Variants in TOX2 observed in about 807,000 individuals in gnomAD.
TOX2 encodes the protein granulosa cell HMG box 1.
A neutral mutation model predicts 47.4 loss-of-function variants in TOX2; 15 were observed. The ratio of observed to expected loss-of-function variants is 0.32; its 90% CI spans 0.21 to 0.49. TOX2 has a LOEUF of 0.49. TOX2 is among the 20% of genes least tolerant of loss of function. The pLI is 0.99. For synonymous variants in TOX2, 290 were observed against 296.6 expected (o/e 0.98, Z 0.23); for missense variants, 622 against 673.1 (o/e 0.92, Z 0.84).
chr20:44,025,861 G>A (rs2071053125), intron 3 of TOX2, among the ~76,000 whole-genome samples: 1 of 151,896 alleles, frequency 6.6e-6, no homozygotes, highest in Admixed American at 6.6e-5. Context: ...TGTAAAAAAT[G>A]GTAACCATCA....
At chr20:43,955,415 T>C in intron 1 of TOX2, 1 of 587,862 alleles carries the variant, frequency 1.7e-6, no homozygotes, top group Admixed American at 6.3e-5. Flanking sequence ...CCACCTGGGG[T>C]TATGTTGGGT....
chr20:43,920,988 TG>T (rs1285488716), intron 1 of TOX2, among the ~76,000 whole-genome samples: 1 of 152,212 alleles, frequency 6.6e-6, no homozygotes, highest in East Asian at 1.9e-4. Context: ...GCTGAATGAA[TG>T]AATGAATCTA....
At chr20:43,994,213 C>T (rs1277736673) in intron 2 of TOX2, among the ~76,000 whole-genome samples, 2 of 151,686 alleles carry the variant, frequency 1.3e-5, no homozygotes, top group South Asian at 4.2e-4. Context: ...GCCTATACTC[C>T]CAGCACTTTG....
chr20:44,001,640 T>A (rs906620560), intron 2 of TOX2, among the ~76,000 whole-genome samples: 1 of 152,246 alleles, frequency 6.6e-6, no homozygotes, highest in African/African-American at 2.4e-5. Context: ...CTGAAAGGAA[T>A]GGACTTGAGC....
Position 43,985,115 on chromosome 20 carries a change from G to T in TOX2, c.165+11683G>T, listed in dbSNP as rs569742890. 1.5e-4 allele frequency among the ~76,000 whole-genome samples: 23 copies of T among 152,224 alleles called. No individual in the cohort carries two copies. The South Asian group carries it at 4.4e-3, about 29-fold the overall frequency. ...TCTGGAGGGTCAGGATCCTGGTTCC[G>T]GCCCCTCCTCAGCCTCTCTCCCTGT... is the stretch of plus-strand genomic sequence containing the variant. On this transcript the variant is annotated intron_variant, in intron 2 of 8. Transcript: ENST00000341197.
intron 1 of TOX2, among the ~76,000 whole-genome samples, chr20:43,946,708 G>A (rs984471169): frequency 1.3e-5 from 2 of 152,164 alleles, no homozygotes; most frequent in Admixed American, 1.3e-4. Context: ...GGACTTAAGG[G>A]GACACACATG....
intron 1 of TOX2, among the ~76,000 whole-genome samples, chr20:43,949,103 G>T (rs1160851887): frequency 6.6e-6 from 1 of 152,164 alleles, no homozygotes; most frequent in African/African-American, 2.4e-5. Flanking sequence ...CCCTTTTCCT[G>T]ATTCACACCC....
At chr20:44,064,999 G>A (rs185375421) in intron 6 of TOX2, 142 bp downstream of exon 6, 1 of 688,428 alleles carries the variant, frequency 1.5e-6, no homozygotes, top group Admixed American at 2.9e-5. Context: ...TGTCTGCAGG[G>A]CACCTACAGC....
intron 3 of TOX2, among the ~76,000 whole-genome samples, chr20:44,028,955 A>T (rs1284560756): frequency 6.6e-6 from 1 of 152,136 alleles, no homozygotes; most frequent in Non-Finnish European, 1.5e-5. Flanking sequence ...GCACAGGGGA[A>T]CCTGCTGGGC....
chr20:43,943,000 T>A (rs761622031), intron 1 of TOX2, among the ~76,000 whole-genome samples: 1 of 152,118 alleles, frequency 6.6e-6, no homozygotes, highest in Non-Finnish European at 1.5e-5. Context: ...CAACCCACAT[T>A]AAATACCTCC....
chr20:43,925,696 G>A (rs1015641086), intron 1 of TOX2, among the ~76,000 whole-genome samples: 7 of 152,158 alleles, frequency 4.6e-5, no homozygotes, highest in Non-Finnish European at 7.3e-5. Context: ...CACAGGCTTC[G>A]CTGTCAGTCT....
At chr20:43,963,347 C>T (rs2069794912) in intron 1 of TOX2, among the ~76,000 whole-genome samples, 1 of 151,968 alleles carries the variant, frequency 6.6e-6, no homozygotes, top group Admixed American at 6.6e-5. Flanking sequence ...TGAAGGGGCC[C>T]ACAGCACTGA....
At chr20:44,067,273 G>C (rs917939794) in intron 8 of TOX2, among the ~76,000 whole-genome samples, 1 of 151,876 alleles carries the variant, frequency 6.6e-6, no homozygotes, top group African/African-American at 2.4e-5. Flanking sequence ...CAGGGTGGGG[G>C]AAGGAGCTGA....
In TOX2 at chr20:43,916,653, G is replaced by C. The variant is rs953325489; in HGVS notation, c.99+1663G>C. On this transcript the variant is annotated intron_variant, in intron 1 of 8. Transcript: ENST00000341197. The surrounding 1 kb of genome is among the most constrained non-coding windows in gnomAD (Gnocchi z 5.0). The stretch of plus-strand genomic sequence containing the variant: ...CAGGGAGGAGAAGGTTGGGTGTGGG[G>C]GCAGCTGGTCTGTCTTCTGCCCTTG... Among the ~76,000 whole-genome samples, 1 of 152,204 alleles carries C rather than the reference G, an allele frequency of 6.6e-6. No individual in the cohort carries two copies. Among genetic ancestry groups the C allele is most frequent in the Non-Finnish European group, 1.5e-5 (1 of 68,036 alleles).
intron 2 of TOX2, among the ~76,000 whole-genome samples, chr20:43,979,691 C>A (rs373740610): frequency 5.9e-5 from 9 of 151,932 alleles, no homozygotes; most frequent in African/African-American, 2.2e-4. Context: ...AAAAAAATCT[C>A]GTAATCCAAT....
intron 3 of TOX2, among the ~76,000 whole-genome samples, chr20:44,032,553 G>C (rs538072273): frequency 6.6e-6 from 1 of 152,186 alleles, no homozygotes; most frequent in South Asian, 2.1e-4. Flanking sequence ...GGGGAGGCCA[G>C]AGAGGTGCCA....
intron 2 of TOX2, among the ~76,000 whole-genome samples, chr20:44,001,905 C>A (rs1418836294): frequency 6.6e-6 from 1 of 152,142 alleles, no homozygotes; most frequent in Admixed American, 6.5e-5. Flanking sequence ...GCACTGAGGA[C>A]AAGAGAGTTA....
At chr20:43,998,727 CTATCTATCTATCTATCTATCT>C (rs2070523826) in intron 2 of TOX2, among the ~76,000 whole-genome samples, 1 of 138,522 alleles carries the variant, frequency 7.2e-6, no homozygotes, top group Admixed American at 7.4e-5. Context: ...ATACATCTAT[CTATCTATCTATCTATCTATCT>C]ATCTATCTAT....
intron 3 of TOX2, among the ~76,000 whole-genome samples, chr20:44,018,576 A>C (rs1342355566): frequency 6.6e-6 from 1 of 152,104 alleles, no homozygotes; most frequent in East Asian, 1.9e-4. Context: ...ATAAAACTTG[A>C]GATTTATTGG....
Sources: gnomAD v4.1 joint callset for allele counts (sites outside exome capture counted in the v4.1 genomes callset) on GRCh38, gnomAD v4.1.1 for gene constraint, Gnocchi (gnomAD v3.1) non-coding constraint, MANE v1.5 for transcripts, NCBI Gene and HGNC (gene_info 2026-07-23, HGNC 2026-07-21) for gene names.